Variants in TRIM37 observed in about 807,000 individuals in gnomAD.
The protein encoded by TRIM37 is E3 ubiquitin-protein ligase TRIM37.
In TRIM37, 80 loss-of-function variants were observed where a neutral mutation model predicts 129.8. The observed-to-expected ratio is 0.62, with a 90% CI of 0.51 to 0.74. The LOEUF (loss-of-function observed/expected upper bound fraction) is 0.74. Among genes scored for constraint, TRIM37 ranks in the 30% least tolerant of loss-of-function variants. TRIM37 has a pLI of 0.00. For synonymous variants in TRIM37, 389 were observed against 387.1 expected, an observed-to-expected ratio of 1.00 and a Z score of -0.06; for missense variants, 1,054 against 1,176.5, an observed-to-expected ratio of 0.90 and a Z score of 1.52.
intron 17 of TRIM37, among the ~76,000 whole-genome samples, chr17:59,039,471 C>A (rs936047246): frequency 6.6e-6 from 1 of 151,944 alleles, no homozygotes; most frequent in Non-Finnish European, 1.5e-5. Context: ...CTCAGCCTCC[C>A]GAGTAGCTGG....
chr17:59,061,191 G>A, intron 11 of TRIM37, 83 bp from the exon 12 acceptor site: 1 of 1,041,490 alleles, frequency 9.6e-7, no homozygotes, highest in South Asian at 1.3e-5. Context: ...TATCTAGATT[G>A]AGAAGTACTT....
chr17:59,003,727 C>T lies in TRIM37; in HGVS notation c.2696-2013G>A, dbSNP rs566053497. Among the ~76,000 whole-genome samples, 14 of 150,108 alleles carry T rather than the reference C, an allele frequency of 9.3e-5. No homozygotes were observed. The South Asian group carries it at 2.9e-3, about 31-fold the overall frequency. ...GCATATGAAAAACCAGGAAAGACAA[C>T]CAACAAACATCAATGATGAGATGAC... On this transcript the variant is annotated intron_variant, in intron 22 of 23. Coordinates refer to ENST00000262294, the MANE Select transcript of TRIM37 (RefSeq NM_015294.6).
At chr17:59,073,324 C>T (rs986353178) in intron 8 of TRIM37, among the ~76,000 whole-genome samples, 9 of 151,748 alleles carry the variant, frequency 5.9e-5, no homozygotes, top group African/African-American at 2.2e-4. Flanking sequence ...GACAGGGTCT[C>T]GCTCTGTCGC....
intron 13 of TRIM37, among the ~76,000 whole-genome samples, chr17:59,053,827 C>T (rs1003121571): frequency 1.1e-4 from 16 of 151,984 alleles, no homozygotes; most frequent in African/African-American, 3.9e-4. Flanking sequence ...TTCCAGGCAC[C>T]GTGGCATGCA....
At chr17:59,099,405 T>A (rs570433319) in intron 2 of TRIM37, among the ~76,000 whole-genome samples, 1 of 152,152 alleles carries the variant, frequency 6.6e-6, no homozygotes, top group Non-Finnish European at 1.5e-5. Flanking sequence ...TCTTTTTTTT[T>A]AATGGGTACA....
chr17:59,034,309 C>T (rs2038216400), intron 17 of TRIM37, among the ~76,000 whole-genome samples: 1 of 152,010 alleles, frequency 6.6e-6, no homozygotes, highest in Non-Finnish European at 1.5e-5. Context: ...TCCTGTTTCT[C>T]ACTGCTTTTT....
chr17:59,014,135 C>T (rs962909216), intron 21 of TRIM37, among the ~76,000 whole-genome samples: 3 of 152,166 alleles, frequency 2.0e-5, no homozygotes, highest in Non-Finnish European at 4.4e-5. Flanking sequence ...GTAGGGAAGA[C>T]AAGATAATCT....
intron 17 of TRIM37, among the ~76,000 whole-genome samples, chr17:59,034,452 C>T (rs1244156500): frequency 2.0e-5 from 3 of 151,900 alleles, no homozygotes; most frequent in Non-Finnish European, 2.9e-5. Flanking sequence ...TCTTGCCTCC[C>T]AGGTTCAAGC....
Position 59,028,479 on chromosome 17 carries a change from T to C in TRIM37, c.2193A>G (p.Arg731=). The part of the protein sequence containing the change: ...LAACGTENSG[R]LQDLGMELLA... Reference sequence around the variant, plus strand: ...GGAGTTCCATTCCCAAATCCTGCAATCTGCCAGAGTTTTCAGTTCCACATG... The same window carrying C: ...GGAGTTCCATTCCCAAATCCTGCAACCTGCCAGAGTTTTCAGTTCCACATG... Residue 731 remains arginine (R), a synonymous_variant, in exon 19 of 24, where the codon AGA becomes AGG. Transcript: ENST00000262294. The C allele has an allele frequency of 8.1e-6, 13 of 1,614,148 alleles. No homozygotes were observed. Among genetic ancestry groups the C allele is most frequent in the Non-Finnish European group, 1.1e-5 (13 of 1,180,028 alleles).
At chr17:59,097,815 A>T (rs976845533) in intron 2 of TRIM37, among the ~76,000 whole-genome samples, 2 of 152,188 alleles carry the variant, frequency 1.3e-5, no homozygotes, top group Non-Finnish European at 2.9e-5. Context: ...TCCTAAATAA[A>T]TGGAAAGACA....
intron 8 of TRIM37, among the ~76,000 whole-genome samples, chr17:59,073,428 G>C (rs2042551577): frequency 6.6e-6 from 1 of 151,976 alleles, no homozygotes; most frequent in Non-Finnish European, 1.5e-5. Flanking sequence ...CGAGTGGCTG[G>C]GACTCCAAGC....
intron 2 of TRIM37, among the ~76,000 whole-genome samples, chr17:59,093,132 A>G (rs984145606): frequency 4.6e-5 from 7 of 152,186 alleles, no homozygotes; most frequent in Non-Finnish European, 7.4e-5. Context: ...CCTGTGTAAC[A>G]GAGCATGATT....
chr17:59,057,458 T>C (rs2041057691), intron 12 of TRIM37, among the ~76,000 whole-genome samples: 1 of 152,238 alleles, frequency 6.6e-6, no homozygotes, highest in Non-Finnish European at 1.5e-5. Flanking sequence ...TCCACCCACC[T>C]TGGCCTCCCA....
At chr17:59,093,308 T>TAA (rs2044565387) in intron 2 of TRIM37, among the ~76,000 whole-genome samples, 1 of 152,282 alleles carries the variant, frequency 6.6e-6, no homozygotes, top group African/African-American at 2.4e-5. Context: ...ACTCTTCTGT[T>TAA]AAAGTCACAG....
intron 24 of TRIM37, among the ~76,000 whole-genome samples, chr17:58,990,810 A>G (rs1351591330): frequency 1.3e-5 from 2 of 150,112 alleles, no homozygotes; most frequent in African/African-American, 4.9e-5. Flanking sequence ...AAAAAGAAAG[A>G]AAGGAAAAAG....
chr17:59,036,481 T>TGTGTGTGC (rs919547648), intron 17 of TRIM37, among the ~76,000 whole-genome samples: 1 of 149,864 alleles, frequency 6.7e-6, no homozygotes, highest in African/African-American at 2.5e-5. Context: ...TGTGTGTGTG[T>TGTGTGTGC]GTGCACGCGT....
intron 2 of TRIM37, 135 bp downstream of exon 2, chr17:59,104,158 T>G (rs1005636596): frequency 5.5e-6 from 4 of 722,248 alleles, no homozygotes; most frequent in African/African-American, 1.8e-5. Context: ...TTTATCTTAG[T>G]ATTCCTCAAC....
intron 13 of TRIM37, among the ~76,000 whole-genome samples, chr17:59,054,601 C>CA (rs2040658921): frequency 6.7e-6 from 1 of 148,916 alleles, no homozygotes; most frequent in South Asian, 2.1e-4. Context: ...GGCACCCAGC[C>CA]AATGCCCAAA....
chr17:59,091,588 T>TA (rs2044374284), intron 2 of TRIM37, among the ~76,000 whole-genome samples: 1 of 36,462 alleles, frequency 2.7e-5, no homozygotes, highest in Admixed American at 2.3e-4. Flanking sequence ...ATGTATAATA[T>TA]ATTATACATT....
Sources: allele counts gnomAD v4.1 joint callset (sites outside exome capture counted in the v4.1 genomes callset), GRCh38; gene constraint gnomAD v4.1.1; transcripts MANE v1.5; gene names NCBI Gene and HGNC (gene_info 2026-07-23, HGNC 2026-07-21).